ARRB2: variants seen among roughly 807,000 people sequenced by gnomAD.
ARRB2 encodes the protein beta-arrestin-2.
In ARRB2, 21 loss-of-function variants were observed where a neutral mutation model predicts 53.4. That is an observed-to-expected ratio of 0.39 (90% CI 0.28 to 0.57). The LOEUF (loss-of-function observed/expected upper bound fraction) is 0.57, where lower values mean the gene tolerates loss of function less well. Among genes scored for constraint, ARRB2 ranks in the 20% least tolerant of loss-of-function variants. The pLI, the probability that ARRB2 is intolerant of heterozygous loss-of-function variation, is 0.55. For synonymous variants in ARRB2, 180 were observed against 212.9 expected (o/e 0.85, Z 1.34); for missense variants, 369 against 527.5 (o/e 0.70, Z 2.94).
Position 4,717,341 on chromosome 17 carries a change from C to G in ARRB2, c.417+65C>G, listed in dbSNP as rs58743205. ...ATGGGCCAGCAGGAGCCTGGAGGCA[C>G]AGCTGAGCCAGAGGGTGAACTGTCG... On this transcript the variant is annotated intron_variant, in intron 6 of 14. Coordinates refer to ENST00000269260, the MANE Select transcript of ARRB2 (RefSeq NM_004313.4). The surrounding 1 kb of genome is among the most constrained non-coding windows in gnomAD (Gnocchi z 6.0). 2.5e-3 allele frequency: 3,853 copies of G among 1,572,596 alleles called. 71 individuals carry two copies. The African/African-American group carries it at 0.038, about 15-fold the overall frequency.
At chr17:4,712,435 A>G (rs1463525052) in intron 1 of ARRB2, among the ~76,000 whole-genome samples, 1 of 152,230 alleles carries the variant, frequency 6.6e-6, no homozygotes, top group African/African-American at 2.4e-5. Context: ...TATATGCTCC[A>G]GCTGTCAGAG....
rs1026194884 is a variant in ARRB2 at position 4,713,821 on chromosome 17, G to A, written c.24-1192G>A. On this transcript the variant is annotated intron_variant, in intron 1 of 14. Coordinates refer to ENST00000269260, the MANE Select transcript of ARRB2 (RefSeq NM_004313.4). ...AAAAAAAAAAATACAAAACATAGCC[G>A]GGCATGGTGGCTCACTCCTGTAATC... Among the ~76,000 whole-genome samples the A allele has an allele frequency of 3.3e-5, 5 of 150,288 alleles. No individual in the cohort carries two copies. The South Asian group carries it at 6.3e-4, about 19-fold the overall frequency.
chr17:4,721,128 C>T lies in ARRB2; in HGVS notation c.*89C>T, dbSNP rs1190285264. On this transcript the variant is annotated 3_prime_UTR_variant, in exon 15 of 15. Transcript: ENST00000269260. This position sits in a 1 kb window ranked among gnomAD's most constrained non-coding sequence, Gnocchi z 4.2. Reference sequence around the variant, plus strand: ...CACTGTCAATGGGGGATTGTCCCAGCCCCTCTTCCCTTCCCCTCACCTGGA... The same window carrying T: ...CACTGTCAATGGGGGATTGTCCCAGTCCCTCTTCCCTTCCCCTCACCTGGA... 1.5e-6 allele frequency: 2 copies of T among 1,335,852 alleles called. No homozygotes were observed. Among genetic ancestry groups the T allele is most frequent in the African/African-American group, 1.4e-5 (1 of 69,018 alleles). The allele number at this position is 1,335,852 out of a possible 1,614,324, so 82.7% of individuals were successfully genotyped here.
rs1914984695 is a variant in ARRB2 at position 4,715,990 on chromosome 17, C to G, written c.72C>G (p.Gly24=). 6.2e-7 allele frequency: 1 copy of G among 1,614,072 alleles called. No homozygotes were observed. The highest frequency in any genetic ancestry group is 1.7e-5 in the Admixed American group (1 of 59,996). The change falls in exon 3 of 15, where the codon GGC becomes GGG. Residue 24 remains glycine, a synonymous_variant. Transcript: ENST00000269260. ...SPNCKLTVYL[G]KRDFVDHLDK... is the part of the protein sequence containing the mutation. ...ATCCTCAGCTCACCGTGTACTTGGG[C>G]AAGCGGGACTTCGTAGATCACCTGG...
chr17:4,719,775 G>C (rs1207655424), intron 11 of ARRB2, among the ~76,000 whole-genome samples: 5 of 152,194 alleles, frequency 3.3e-5, no homozygotes, highest in African/African-American at 1.2e-4. Flanking sequence ...GGTGTTGGAG[G>C]AATGGGGAGG....
In ARRB2 at chr17:4,717,364, T is replaced by C; in HGVS notation, c.417+88T>C. On this transcript the variant is annotated intron_variant, in intron 6 of 14. Transcript: ENST00000269260. This position sits in a 1 kb window ranked among gnomAD's most constrained non-coding sequence, Gnocchi z 6.0. Reference sequence around the variant, plus strand: ...CACAGCTGAGCCAGAGGGTGAACTGTCGAGATGCCAGGGTGGGGCCGAGGG... The same window carrying C: ...CACAGCTGAGCCAGAGGGTGAACTGCCGAGATGCCAGGGTGGGGCCGAGGG... 2 of 1,510,862 alleles carry C rather than the reference T, an allele frequency of 1.3e-6. No homozygotes were observed. Among genetic ancestry groups the C allele is most frequent in the Admixed American group, 1.7e-5 (1 of 59,772 alleles). The allele number at this position is 1,510,862 out of a possible 1,614,324, so 93.6% of individuals were successfully genotyped here.
intron 1 of ARRB2, among the ~76,000 whole-genome samples, chr17:4,711,072 G>T (rs1914347350): frequency 1.3e-5 from 2 of 152,170 alleles, no homozygotes; most frequent in South Asian, 4.1e-4. Flanking sequence ...TGGCCCCGAG[G>T]GGTCGTGTAC....
chr17:4,718,210 T>C, intron 8 of ARRB2, 51 bp from the exon 9 acceptor site: 1 of 1,569,726 alleles, frequency 6.4e-7, no homozygotes, highest in Non-Finnish European at 8.7e-7. Flanking sequence ...ACACTGATGA[T>C]GGGAACAGTG....
intron 10 of ARRB2, 104 bp from the exon 11 acceptor site, chr17:4,719,179 G>A (rs1915419020): frequency 2.1e-6 from 3 of 1,410,996 alleles, no homozygotes; most frequent in South Asian, 1.4e-5. Context: ...TGTGCCCAAA[G>A]AAACAAGGGA....
Position 4,715,694 on chromosome 17 carries a change from GACACACACAC to G in ARRB2, c.55-257_55-248del, listed in dbSNP as rs150787978. The G allele has an allele frequency of 2.8e-3, 1,227 of 442,606 alleles. 2 individuals are homozygous for G. The highest frequency in any genetic ancestry group is 0.014 in the African/African-American group (642 of 46,306). The allele number at this position is 442,606 out of a possible 1,614,324, so 27.4% of individuals were successfully genotyped here. A position where few individuals can be genotyped will look rare whatever the true frequency, so the allele number is the denominator to read the frequency against. ...ACACACACCTGACTGGTTGGCTGAGGACACACACACACACACACACACACACACACAAACA... is the reference window on the plus strand; with the variant it reads ...ACACACACCTGACTGGTTGGCTGAGGACACACACACACACACACACAAACA... On this transcript the variant is annotated intron_variant, in intron 2 of 14. Coordinates refer to ENST00000269260, the MANE Select transcript of ARRB2 (RefSeq NM_004313.4).
chr17:4,711,561 A>G lies in ARRB2; in HGVS notation c.23+817A>G, dbSNP rs552538495. On this transcript the variant is annotated intron_variant, in intron 1 of 14. Transcript: ENST00000269260. ...CCTCAACTCAGAGGGTATCAGGAATAGGGAATTGGTCCTGAGCTCTGGCTT... is the reference window on the plus strand; with the variant it reads ...CCTCAACTCAGAGGGTATCAGGAATGGGGAATTGGTCCTGAGCTCTGGCTT... Among the ~76,000 whole-genome samples, 47 of 152,314 alleles carry G rather than the reference A, an allele frequency of 3.1e-4. 2 individuals are homozygous for G. In the South Asian group the frequency reaches 9.1e-3, roughly 30 times the overall value.
chr17:4,716,433 C>T lies in ARRB2; in HGVS notation c.182C>T (p.Ala61Val). 6.2e-7 allele frequency: 1 copy of T among 1,614,188 alleles called. No homozygotes were observed. Reference sequence around the variant, plus strand: ...CCAGTGTTTGTGACCCTCACCTGCGCCTTCCGCTATGGCCGTGAAGACCTG... The same window carrying T: ...CCAGTGTTTGTGACCCTCACCTGCGTCTTCCGCTATGGCCGTGAAGACCTG... ...DRKVFVTLTC[A>V]FRYGREDLDV... The change falls in exon 5 of 15, where the codon GCC becomes GTC. Residue 61 changes from alanine (A) to valine (V), a missense_variant. Physicochemically the swap from Ala to Val is moderately conservative, Grantham distance 64. Coordinates refer to ENST00000269260, the MANE Select transcript of ARRB2 (RefSeq NM_004313.4).
rs547148461 is a variant in ARRB2, at chr17:4,716,981, C to T, written c.358-236C>T. The T allele has an allele frequency of 4.4e-5, 26 of 586,934 alleles. No individual in the cohort carries two copies. The Admixed American group carries it at 5.6e-4, about 13-fold the overall frequency. 36.4% of individuals were successfully genotyped at this position (586,934 alleles called of 1,614,324 possible). A position where few individuals can be genotyped will look rare whatever the true frequency, so the allele number is the denominator to read the frequency against. ...TCCCGAGTAGCTGGGATTACAGGCA[C>T]GCACCACCACACACGACTAATTTTG... On this transcript the variant is annotated intron_variant, in intron 5 of 14. Transcript: ENST00000269260.
intron 10 of ARRB2, among the ~76,000 whole-genome samples, 197 bp from the exon 11 acceptor site, chr17:4,719,086 T>G (rs1038118911): frequency 6.6e-6 from 1 of 152,166 alleles, no homozygotes; most frequent in Non-Finnish European, 1.5e-5. Context: ...CATCTTCACT[T>G]AAAAGGGTAT....
intron 11 of ARRB2, 136 bp from the exon 12 acceptor site, chr17:4,720,080 C>A: frequency 1.2e-6 from 1 of 852,822 alleles, no homozygotes; most frequent in South Asian, 1.6e-5. Flanking sequence ...GTACCATAAC[C>A]GCACGGCCTG....
chr17:4,718,099 A>T (rs1029160423), intron 8 of ARRB2, 76 bp downstream of exon 8: 37 of 1,596,140 alleles, frequency 2.3e-5, no homozygotes, highest in Non-Finnish European at 3.2e-5. Flanking sequence ...ACACATCAAG[A>T]GGACATTTGT....
intron 5 of ARRB2, chr17:4,716,854 A>G (rs1185139915): frequency 1.1e-5 from 8 of 725,690 alleles, no homozygotes; most frequent in Non-Finnish European, 1.8e-5. Flanking sequence ...GTTGTTGTTG[A>G]GACAAAGTCT....
intron 1 of ARRB2, among the ~76,000 whole-genome samples, chr17:4,712,139 C>G (rs1914473367): frequency 1.3e-5 from 2 of 152,180 alleles, no homozygotes; most frequent in South Asian, 4.1e-4. Context: ...GGAGGACACC[C>G]TGGGACAAAG....
Position 4,717,888 on chromosome 17 carries a change from G to A in ARRB2, c.486G>A (p.Arg162=), listed in dbSNP as rs1411276679. Residue 162 remains arginine (R), a splice_region_variant and synonymous_variant, in exon 8 of 15, where the codon AGG becomes AGA. Coordinates refer to ENST00000269260, the MANE Select transcript of ARRB2 (RefSeq NM_004313.4). This position sits in a 1 kb window ranked among gnomAD's most constrained non-coding sequence, Gnocchi z 6.0. ...CCTCCTGCCCCTACTCTGATCCCAG[G>A]AACTCTGTGCGGCTGGTGATCCGAA... ...AKSLEEKSHK[R]NSVRLVIRKV... is the part of the protein sequence containing the mutation. The A allele has an allele frequency of 1.2e-6, 2 of 1,613,984 alleles. No homozygotes were observed. The highest frequency in any genetic ancestry group is 1.7e-5 in the Admixed American group (1 of 60,008).
Sources: allele counts gnomAD v4.1 joint callset (sites outside exome capture counted in the v4.1 genomes callset), GRCh38; gene constraint gnomAD v4.1.1; non-coding constraint Gnocchi (gnomAD v3.1); transcripts MANE v1.5; gene names NCBI Gene and HGNC (gene_info 2026-07-23, HGNC 2026-07-21).